Variants in RBFOX1 observed in about 807,000 individuals in gnomAD.
The protein encoded by RBFOX1 is RNA binding fox-1 homolog 1, also known as RNA binding protein fox-1 homolog 1.
Under a neutral mutation model 57.7 loss-of-function variants are expected in RBFOX1, and 8 were observed. That is an observed-to-expected ratio of 0.14 (90% CI 0.08 to 0.25). The LOEUF (loss-of-function observed/expected upper bound fraction) is 0.25. RBFOX1 is among the 10% of genes least tolerant of loss of function. The pLI is 1.00. For missense variants in RBFOX1, 611 were observed against 548.5 expected (o/e 1.11, Z -1.14); for synonymous variants, 326 against 222.4 (o/e 1.47, Z -4.15).
At chr16:5,346,447 G>A (rs1284813875) in intron 1 of RBFOX1, among the ~76,000 whole-genome samples, 1 of 152,214 alleles carries the variant, frequency 6.6e-6, no homozygotes, top group Non-Finnish European at 1.5e-5. Context: ...CACGTCTCAA[G>A]GGATGCATGG....
At chr16:5,507,517 T>C (rs1272842990) in intron 2 of RBFOX1, among the ~76,000 whole-genome samples, 1 of 152,194 alleles carries the variant, frequency 6.6e-6, no homozygotes, top group Non-Finnish European at 1.5e-5. Flanking sequence ...TACTCTGTTT[T>C]CTGGGTCTGA....
At position 5,810,312 on chromosome 16, in the gene RBFOX1, A is replaced by T. The variant is rs151323253; in HGVS notation, c.319-56991A>T. 1.4e-4 allele frequency among the ~76,000 whole-genome samples: 22 copies of T among 152,206 alleles called. No individual in the cohort carries two copies. In the East Asian group the frequency reaches 4.2e-3, roughly 29 times the overall value. ...GCACATTGTGCACATGTATCCTAAA[A>T]CTTAAAGTATAATAATAATTAAAAA... On this transcript the variant is annotated intron_variant, in intron 3 of 19. Coordinates refer to the RBFOX1 transcript ENST00000641259.
At chr16:7,220,297 C>G (rs2092625761) in intron 4 of RBFOX1, among the ~76,000 whole-genome samples, 1 of 152,204 alleles carries the variant, frequency 6.6e-6, no homozygotes, top group Non-Finnish European at 1.5e-5. Flanking sequence ...CTGGCTCTGA[C>G]ATTTCATCAT....
At chr16:5,900,516 G>T (rs1396471711) in intron 4 of RBFOX1, among the ~76,000 whole-genome samples, 1 of 152,134 alleles carries the variant, frequency 6.6e-6, no homozygotes, top group South Asian at 2.1e-4. Context: ...TTTTGCCCCA[G>T]AGTAGAAATC....
At chr16:6,204,770 T>C (rs2097242412) in intron 1 of RBFOX1, among the ~76,000 whole-genome samples, 1 of 152,170 alleles carries the variant, frequency 6.6e-6, no homozygotes, top group South Asian at 2.1e-4. Flanking sequence ...ATGACCTTAT[T>C]GACAATGGAT....
At chr16:7,443,667 T>C (rs956033291) in intron 4 of RBFOX1, among the ~76,000 whole-genome samples, 1 of 152,356 alleles carries the variant, frequency 6.6e-6, no homozygotes, top group East Asian at 1.9e-4. Context: ...TCTGTAGATG[T>C]AGACTTCTGT....
chr16:5,809,263 G>A (rs2055337281), intron 3 of RBFOX1, among the ~76,000 whole-genome samples: 3 of 152,246 alleles, frequency 2.0e-5, no homozygotes, highest in South Asian at 4.1e-4. Flanking sequence ...ATAGGCACAG[G>A]CAAGGACTTC....
At chr16:5,748,167 C>T (rs1022008099) in intron 3 of RBFOX1, among the ~76,000 whole-genome samples, 3 of 152,084 alleles carry the variant, frequency 2.0e-5, no homozygotes, top group Non-Finnish European at 4.4e-5. Flanking sequence ...TGTTCAGTTT[C>T]GATGTAGTTG....
At chr16:6,116,769 C>T (rs2096499833) in intron 1 of RBFOX1, among the ~76,000 whole-genome samples, 1 of 152,064 alleles carries the variant, frequency 6.6e-6, no homozygotes, top group African/African-American at 2.4e-5. Flanking sequence ...AACAGAACTC[C>T]CGTGAATAAG....
At chr16:6,778,699 T>G (rs915815744) in intron 3 of RBFOX1, among the ~76,000 whole-genome samples, 2 of 152,052 alleles carry the variant, frequency 1.3e-5, no homozygotes, top group East Asian at 3.8e-4. Flanking sequence ...TTCTTAGAAT[T>G]CTTAAATTAA....
rs749331792 is a variant in RBFOX1 at position 7,668,613 on chromosome 16, G to A, written c.930+3645G>A. 7.9e-5 allele frequency among the ~76,000 whole-genome samples: 12 copies of A among 151,880 alleles called. No homozygotes were observed. In the South Asian group the frequency reaches 8.3e-4, roughly 11 times the overall value. On this transcript the variant is annotated intron_variant, in intron 13 of 15. Coordinates refer to ENST00000550418, the MANE Select transcript of RBFOX1 (RefSeq NM_018723.4). Reference sequence around the variant, plus strand: ...ATGCGGGGGTTGTCTGAGAATGGAGGGTAGGAATGATCTTTATCTGAGTCC... The same window carrying A: ...ATGCGGGGGTTGTCTGAGAATGGAGAGTAGGAATGATCTTTATCTGAGTCC...
In RBFOX1 at chr16:6,613,938, C is replaced by T. The variant is rs185865175; in HGVS notation, c.-63-40665C>T. 9.9e-5 allele frequency among the ~76,000 whole-genome samples: 15 copies of T among 151,740 alleles called. No individual in the cohort carries two copies. The East Asian group carries it at 2.9e-3, about 29-fold the overall frequency. On this transcript the variant is annotated intron_variant, in intron 2 of 15. Transcript: ENST00000550418. ...GGGCGACAGAGTGTGACTCAGTCTC[C>T]AAAAAGGAAAAAGAAAAAAGAAGAT...
chr16:6,837,159 G>T (rs556549051), intron 3 of RBFOX1, among the ~76,000 whole-genome samples: 3 of 152,320 alleles, frequency 2.0e-5, no homozygotes, highest in South Asian at 4.1e-4. Context: ...AGGAAAGCTG[G>T]TTTTCTGAGT....
intron 4 of RBFOX1, among the ~76,000 whole-genome samples, chr16:7,065,152 C>A (rs2055642470): frequency 6.6e-6 from 1 of 152,178 alleles, no homozygotes; most frequent in South Asian, 2.1e-4. Flanking sequence ...GTAACCTTAC[C>A]TAAATGAGCA....
chr16:7,039,513 T>A (rs1231108121), intron 3 of RBFOX1, among the ~76,000 whole-genome samples: 1 of 152,212 alleles, frequency 6.6e-6, no homozygotes, highest in East Asian at 1.9e-4. Context: ...TGTGACTTTT[T>A]GTTTTTACTT....
chr16:6,707,861 A>G (rs921949609), intron 3 of RBFOX1, among the ~76,000 whole-genome samples: 1 of 152,200 alleles, frequency 6.6e-6, no homozygotes, highest in Non-Finnish European at 1.5e-5. Flanking sequence ...CAAAGAAAAC[A>G]TTAAGCTTGT....
intron 3 of RBFOX1, among the ~76,000 whole-genome samples, chr16:5,772,656 G>T (rs1461280030): frequency 1.3e-5 from 2 of 152,176 alleles, no homozygotes; most frequent in Non-Finnish European, 2.9e-5. Flanking sequence ...GAAGAAACAG[G>T]CAGCTAGAGG....
intron 3 of RBFOX1, among the ~76,000 whole-genome samples, chr16:6,771,283 C>T (rs1254207512): frequency 6.6e-6 from 1 of 152,194 alleles, no homozygotes; most frequent in East Asian, 1.9e-4. Flanking sequence ...GCCACACAGT[C>T]TACGGTGCTT....
intron 3 of RBFOX1, among the ~76,000 whole-genome samples, chr16:6,726,022 C>A (rs1460793625): frequency 6.6e-6 from 1 of 152,278 alleles, no homozygotes; most frequent in Non-Finnish European, 1.5e-5. Context: ...ATCACCCTTT[C>A]TGTCTCGGCA....
Sources: gnomAD v4.1 joint callset for allele counts (sites outside exome capture counted in the v4.1 genomes callset) on GRCh38, gnomAD v4.1.1 for gene constraint, MANE v1.5 for transcripts, NCBI Gene and HGNC (gene_info 2026-07-23, HGNC 2026-07-21) for gene names.